The following MDGA2 variants were observed in gnomAD, a reference collection of about 807,000 sequenced individuals.
MDGA2 encodes the protein MAM domain containing glycosylphosphatidylinositol anchor 2.
MDGA2 carries 40 observed loss-of-function variants against 117.8 expected under a neutral mutation model. The ratio of observed to expected loss-of-function variants is 0.34; its 90% CI spans 0.26 to 0.44. The LOEUF (loss-of-function observed/expected upper bound fraction) is 0.44. MDGA2 is among the 20% of genes least tolerant of loss of function. The pLI is 1.00. For missense variants in MDGA2, 1,123 were observed against 1,250.6 expected (o/e 0.90, Z 1.54); for synonymous variants, 452 against 439.0 (o/e 1.03, Z -0.37).
At chr14:47,489,734 T>A (rs1180629249) in intron 1 of MDGA2, among the ~76,000 whole-genome samples, 1 of 152,118 alleles carries the variant, frequency 6.6e-6, no homozygotes. Flanking sequence ...AATGGAATGC[T>A]GCCAATGTCA....
rs187630249 is a variant in MDGA2 at position 47,140,211 on chromosome 14, A to G, written c.792+3867T>C. On this transcript the variant is annotated intron_variant, in intron 4 of 16. Coordinates refer to ENST00000399232, the MANE Select transcript of MDGA2 (RefSeq NM_001113498.3). ...ATACAATTAAATTGGAAGATATCACAGGTTAATGGATTGGAAGAATTAACA... is the reference window on the plus strand; with the variant it reads ...ATACAATTAAATTGGAAGATATCACGGGTTAATGGATTGGAAGAATTAACA... 8.5e-5 allele frequency among the ~76,000 whole-genome samples: 13 copies of G among 152,200 alleles called. 1 individual carries two copies. In the East Asian group the frequency reaches 2.3e-3, roughly 27 times the overall value.
intron 6 of MDGA2, among the ~76,000 whole-genome samples, chr14:47,081,613 C>G (rs1890711536): frequency 6.6e-6 from 1 of 152,058 alleles, no homozygotes; most frequent in African/African-American, 2.4e-5. Context: ...TTGGAAATGA[C>G]ATGTTTCCTA....
At chr14:46,853,901 T>A (rs1486433211) in intron 15 of MDGA2, among the ~76,000 whole-genome samples, 2 of 151,924 alleles carry the variant, frequency 1.3e-5, no homozygotes, top group East Asian at 3.8e-4. Context: ...TTTGATGATA[T>A]GTTGTCATTC....
At chr14:47,034,927 A>T in intron 8 of MDGA2, 84 bp downstream of exon 8, 2 of 1,256,632 alleles carry the variant, frequency 1.6e-6, no homozygotes, top group Non-Finnish European at 2.2e-6. Flanking sequence ...TAGTTACAAA[A>T]ATCACCTCAT....
At chr14:47,586,970 C>T (rs1896336501) in intron 1 of MDGA2, among the ~76,000 whole-genome samples, 3 of 151,936 alleles carry the variant, frequency 2.0e-5, no homozygotes, top group Admixed American at 2.0e-4. Context: ...GACTTAACTA[C>T]AAATAGCTAT....
intron 2 of MDGA2, among the ~76,000 whole-genome samples, chr14:47,227,416 A>G (rs1443050545): frequency 6.6e-6 from 1 of 152,170 alleles, no homozygotes; most frequent in Non-Finnish European, 1.5e-5. Context: ...GTGAAACCAC[A>G]TCCTGGCTCA....
At chr14:47,367,830 T>TA (rs1891262483) in intron 1 of MDGA2, among the ~76,000 whole-genome samples, 1 of 152,198 alleles carries the variant, frequency 6.6e-6, no homozygotes, top group Non-Finnish European at 1.5e-5. Flanking sequence ...TGACTCTAAA[T>TA]AAGATTATCT....
intron 1 of MDGA2, among the ~76,000 whole-genome samples, chr14:47,545,764 A>T (rs2138765804): frequency 6.6e-6 from 1 of 152,330 alleles, no homozygotes; most frequent in African/African-American, 2.4e-5. Context: ...AAACAGCAGC[A>T]GTCTCATGTA....
intron 3 of MDGA2, chr14:47,200,577 AGACCAGGAGTCC>A (rs1885464992): frequency 1.1e-6 from 1 of 950,212 alleles, no homozygotes; most frequent in Admixed American, 2.4e-5. Flanking sequence ...TATTGGGCTC[AGACCAGGAGTCC>A]GTGAGTCTTG....
chr14:46,923,276 C>T (rs561672021), intron 9 of MDGA2, among the ~76,000 whole-genome samples: 53 of 152,036 alleles, frequency 3.5e-4, no homozygotes, highest in African/African-American at 1.3e-3. Context: ...AATGCTTTAT[C>T]TGTATTGGGT....
intron 10 of MDGA2, among the ~76,000 whole-genome samples, chr14:46,914,389 C>T (rs891548957): frequency 6.6e-6 from 1 of 151,976 alleles, no homozygotes; most frequent in Non-Finnish European, 1.5e-5. Flanking sequence ...TTTAGCTTCT[C>T]ATTATATATT....
At chr14:46,844,729 G>A (rs776292479) in intron 16 of MDGA2, among the ~76,000 whole-genome samples, 1 of 152,070 alleles carries the variant, frequency 6.6e-6, no homozygotes, top group East Asian at 1.9e-4. Context: ...ATGTTTCAAG[G>A]GAGAGACCAA....
intron 10 of MDGA2, among the ~76,000 whole-genome samples, chr14:46,910,706 C>T (rs1345612907): frequency 6.6e-6 from 1 of 152,166 alleles, no homozygotes; most frequent in Non-Finnish European, 1.5e-5. Flanking sequence ...GACTTAATGA[C>T]ATGATCCTGT....
intron 1 of MDGA2, among the ~76,000 whole-genome samples, chr14:47,368,269 CA>C (rs1320755435): frequency 6.6e-6 from 1 of 151,806 alleles, no homozygotes; most frequent in African/African-American, 2.4e-5. Context: ...GCAACAGAAC[CA>C]AACTCTGTCT....
chr14:47,282,048 G>A (rs1888508254), intron 2 of MDGA2, among the ~76,000 whole-genome samples: 1 of 132,490 alleles, frequency 7.5e-6, no homozygotes, highest in South Asian at 2.5e-4. Context: ...GCTCCGTCTC[G>A]GGAAAAAAAA....
At chr14:47,477,318 G>C (rs1008918640) in intron 1 of MDGA2, among the ~76,000 whole-genome samples, 1 of 151,990 alleles carries the variant, frequency 6.6e-6, no homozygotes, top group Non-Finnish European at 1.5e-5. Context: ...AGAGCTTTAA[G>C]ATTCAAGATG....
At chr14:47,651,577 G>GT (rs36062266) in intron 1 of MDGA2, among the ~76,000 whole-genome samples, 26 of 150,968 alleles carry the variant, frequency 1.7e-4, no homozygotes, top group East Asian at 3.9e-4. Context: ...GTAATCTGCT[G>GT]TTTTTTTTTA....
chr14:47,435,728 T>C (rs1410953744), intron 1 of MDGA2, among the ~76,000 whole-genome samples: 6 of 152,258 alleles, frequency 3.9e-5, no homozygotes, highest in African/African-American at 1.4e-4. Flanking sequence ...TCTCTTGTAC[T>C]GAGAGGCACA....
At chr14:47,465,002 G>A (rs1245055305) in intron 1 of MDGA2, among the ~76,000 whole-genome samples, 1 of 151,934 alleles carries the variant, frequency 6.6e-6, no homozygotes, top group African/African-American at 2.4e-5. Flanking sequence ...ACAAAAACAG[G>A]CACCTACATG....
Sources: gnomAD v4.1 joint callset for allele counts (sites outside exome capture counted in the v4.1 genomes callset) on GRCh38, gnomAD v4.1.1 for gene constraint, MANE v1.5 for transcripts, NCBI Gene and HGNC (gene_info 2026-07-23, HGNC 2026-07-21) for gene names.